Variants in NRP1 observed in about 807,000 individuals in gnomAD.
NRP1 encodes neuropilin 1.
NRP1 carries 35 observed loss-of-function variants against 106.7 expected under a neutral mutation model. The ratio of observed to expected loss-of-function variants is 0.33; its 90% CI spans 0.25 to 0.43. The LOEUF is 0.43. NRP1 is among the 20% of genes least tolerant of loss of function. The pLI is 1.00. For missense variants in NRP1, 1,024 were observed against 1,170.4 expected, an observed-to-expected ratio of 0.87 and a Z score of 1.83; for synonymous variants, 437 against 417.9, an observed-to-expected ratio of 1.05 and a Z score of -0.56.
intron 2 of NRP1, among the ~76,000 whole-genome samples, chr10:33,294,474 G>A (rs1460646667): frequency 2.0e-5 from 3 of 151,810 alleles, no homozygotes; most frequent in Non-Finnish European, 2.9e-5. Context: ...AAAATTAGCC[G>A]GTCATTGGTG....
chr10:33,185,692 G>C lies in NRP1; in HGVS notation c.2367C>G (p.Asn789Lys). The change falls in exon 15 of 17, where the codon AAC (asparagine) becomes AAG (lysine). Residue 789 changes from asparagine (N) to lysine (K), a missense_variant. By Grantham distance (94) the Asn-to-Lys change is moderately conservative. Coordinates refer to ENST00000374867, the MANE Select transcript of NRP1 (RefSeq NM_003873.7). ...VIFEGEIGKG[N>K]LGGIAVDDIS... is the part of the protein sequence containing the mutation. ...TGTCATCCACAGCAATCCCACCAAG[G>C]TTTCCTTTTCCGATTTCGCCCTCGA... 6.2e-7 allele frequency: 1 copy of C among 1,614,078 alleles called. No individual in the cohort carries two copies. The highest frequency in any genetic ancestry group is 8.5e-7 in the Non-Finnish European group (1 of 1,179,990).
intron 12 of NRP1, 82 bp from the exon 13 acceptor site, chr10:33,192,500 C>T (rs1022331880): frequency 2.7e-6 from 4 of 1,472,280 alleles, no homozygotes; most frequent in Non-Finnish European, 3.7e-6. Context: ...GCCCTTGGTT[C>T]ACTCATGGAA....
chr10:33,246,794 A>G (rs1156451620), intron 6 of NRP1, among the ~76,000 whole-genome samples: 2 of 152,190 alleles, frequency 1.3e-5, no homozygotes, highest in Non-Finnish European at 2.9e-5. Context: ...AATGATCTGA[A>G]TGAGTTAATA....
rs548737664 is a variant in NRP1, at chr10:33,203,444, T to A, written c.1760-449A>T. On this transcript the variant is annotated intron_variant, in intron 10 of 16. Coordinates refer to ENST00000374867, the MANE Select transcript of NRP1 (RefSeq NM_003873.7). ...ATTGACTATGTTTGCTAAGTTTATA[T>A]TATAATTCTTCCCCAAAGGGAGTCA... Among the ~76,000 whole-genome samples, 8 of 152,306 alleles carry A rather than the reference T, an allele frequency of 5.3e-5. No individual in the cohort carries two copies. In the East Asian group the frequency reaches 1.5e-3, roughly 29 times the overall value.
intron 8 of NRP1, among the ~76,000 whole-genome samples, chr10:33,220,513 A>T (rs183933197): frequency 5.3e-5 from 8 of 152,332 alleles, no homozygotes; most frequent in Admixed American, 3.3e-4. Flanking sequence ...GGTTGTTTCA[A>T]TGAAAGTTTG....
At position 33,334,392 on chromosome 10, in the gene NRP1, TC is replaced by T. The variant is rs1564500230; in HGVS notation, c.-11del. ...GCAGCCCCCTCTCCATTCTCCCTTCTCCGGGTCCGCAGGCAGACGCGGGAGA... is the reference window on the plus strand; with the variant it reads ...GCAGCCCCCTCTCCATTCTCCCTTCTCGGGTCCGCAGGCAGACGCGGGAGA... On this transcript the variant is annotated 5_prime_UTR_variant, in exon 1 of 17. Transcript: ENST00000374867. The T allele has an allele frequency of 9.1e-6, 14 of 1,543,756 alleles. No homozygotes were observed. The highest frequency in any genetic ancestry group is 2.0e-5 in the Admixed American group (1 of 51,062).
intron 11 of NRP1, among the ~76,000 whole-genome samples, chr10:33,198,867 G>T (rs1330688512): frequency 6.6e-6 from 1 of 152,132 alleles, no homozygotes; most frequent in African/African-American, 2.4e-5. Context: ...AGGAAAAGGG[G>T]AACAGGAGAA....
intron 2 of NRP1, among the ~76,000 whole-genome samples, chr10:33,312,153 T>G (rs1846649779): frequency 1.3e-5 from 2 of 152,226 alleles, no homozygotes; most frequent in Admixed American, 1.3e-4. Flanking sequence ...GGAATTGCAT[T>G]TATTATTTTA....
chr10:33,264,707 A>G (rs1842805312), intron 3 of NRP1, among the ~76,000 whole-genome samples: 1 of 152,204 alleles, frequency 6.6e-6, no homozygotes, highest in Admixed American at 6.5e-5. Context: ...ATTGGTCAAG[A>G]GCATCCATGC....
chr10:33,296,973 C>T (rs1253076530), intron 2 of NRP1, among the ~76,000 whole-genome samples: 1 of 151,504 alleles, frequency 6.6e-6, no homozygotes, highest in Non-Finnish European at 1.5e-5. Context: ...AGTTTGCAGT[C>T]AGCCAAGATC....
chr10:33,333,254 T>C (rs141597982), intron 1 of NRP1, among the ~76,000 whole-genome samples: 8 of 152,208 alleles, frequency 5.3e-5, no homozygotes, highest in African/African-American at 1.7e-4. Context: ...GCATGTGTTT[T>C]GCTTTAAGCA....
chr10:33,254,001 A>G (rs750431578), intron 6 of NRP1, 27 bp downstream of exon 6: 1 of 1,580,330 alleles, frequency 6.3e-7, no homozygotes, highest in Non-Finnish European at 8.6e-7. Context: ...ATTCAATCCT[A>G]GATAGGCTTG....
chr10:33,266,078 A>G (rs1588881049), intron 3 of NRP1, among the ~76,000 whole-genome samples: 1 of 152,132 alleles, frequency 6.6e-6, no homozygotes, highest in Non-Finnish European at 1.5e-5. Context: ...GTTTATTAGT[A>G]TCTGCATGAA....
intron 14 of NRP1, 139 bp downstream of exon 14, chr10:33,186,078 A>C: frequency 8.8e-7 from 1 of 1,131,272 alleles, no homozygotes; most frequent in Non-Finnish European, 1.2e-6. Flanking sequence ...GGTGGTTATC[A>C]TTGCAGCAAT....
intron 13 of NRP1, among the ~76,000 whole-genome samples, chr10:33,187,810 G>A (rs867476998): frequency 5.9e-4 from 90 of 152,304 alleles, no homozygotes; most frequent in Admixed American, 4.1e-3. Flanking sequence ...CTGTGCACAC[G>A]TGGGCACATA....
At chr10:33,318,554 C>G (rs1847203428) in intron 2 of NRP1, among the ~76,000 whole-genome samples, 2 of 151,950 alleles carry the variant, frequency 1.3e-5, no homozygotes, top group South Asian at 4.2e-4. Context: ...AGTAGTGTCC[C>G]CAGACACGAG....
intron 2 of NRP1, among the ~76,000 whole-genome samples, chr10:33,286,120 A>G (rs964070810): frequency 6.6e-6 from 1 of 152,186 alleles, no homozygotes; most frequent in Non-Finnish European, 1.5e-5. Context: ...TGAGTTTCTA[A>G]TTTTATGGTA....
At chr10:33,310,301 T>C (rs531841423) in intron 2 of NRP1, among the ~76,000 whole-genome samples, 1 of 123,060 alleles carries the variant, frequency 8.1e-6, no homozygotes, top group Non-Finnish European at 1.7e-5. Flanking sequence ...CCCAGGCTAG[T>C]GTGCAATGGC....
intron 2 of NRP1, among the ~76,000 whole-genome samples, chr10:33,318,939 G>A (rs1847237734): frequency 6.6e-6 from 1 of 151,264 alleles, no homozygotes; most frequent in Admixed American, 6.6e-5. Flanking sequence ...GGAAGAGGGT[G>A]AGAGGTGAAG....
Sources: gnomAD v4.1 joint callset for allele counts (sites outside exome capture counted in the v4.1 genomes callset) on GRCh38, gnomAD v4.1.1 for gene constraint, MANE v1.5 for transcripts, NCBI Gene and HGNC (gene_info 2026-07-23, HGNC 2026-07-21) for gene names.